WBP4: variants seen among roughly 807,000 people sequenced by gnomAD.
The protein encoded by WBP4 is WW domain-binding protein 4.
WBP4 carries 37 observed loss-of-function variants against 55.4 expected under a neutral mutation model. The observed-to-expected ratio is 0.67, with a 90% CI of 0.51 to 0.88. The LOEUF is 0.88. WBP4 is among the 40% of genes least tolerant of loss of function. The probability of loss-of-function intolerance (pLI) is 0.00; values close to 1 mark genes in which losing one functional copy is unlikely to be tolerated. For missense variants in WBP4, 398 were observed against 420.8 expected, an observed-to-expected ratio of 0.95 and a Z score of 0.47; for synonymous variants, 142 against 140.2, an observed-to-expected ratio of 1.01 and a Z score of -0.09.
At chr13:41,079,840 AAAAAT>A (rs765377389) in intron 8 of WBP4, among the ~76,000 whole-genome samples, 32 of 152,358 alleles carry the variant, frequency 2.1e-4, no homozygotes, top group Admixed American at 7.8e-4. Context: ...ATTGGATAAA[AAAAAT>A]GCGGTATATA....
chr13:41,069,529 G>T (rs1329239693), intron 5 of WBP4, among the ~76,000 whole-genome samples: 1 of 152,010 alleles, frequency 6.6e-6, no homozygotes, highest in African/African-American at 2.4e-5. Context: ...AGGCATGATG[G>T]TGGGCACCTG....
intron 4 of WBP4, among the ~76,000 whole-genome samples, chr13:41,067,327 C>G (rs117198045): frequency 6.6e-6 from 1 of 152,214 alleles, no homozygotes; most frequent in Non-Finnish European, 1.5e-5. Flanking sequence ...TCATTCTTTT[C>G]ACTACTTATT....
At chr13:41,063,691 G>C (rs2138458716) in intron 2 of WBP4, among the ~76,000 whole-genome samples, 1 of 151,796 alleles carries the variant, frequency 6.6e-6, no homozygotes, top group East Asian at 1.9e-4. Flanking sequence ...TTCTTGAGTT[G>C]GTAATACACA....
chr13:41,068,696 C>T lies in WBP4; in HGVS notation c.398C>T (p.Thr133Ile). 1 of 1,610,718 alleles carries T rather than the reference C, an allele frequency of 6.2e-7. No individual in the cohort carries two copies. Among genetic ancestry groups the T allele is most frequent in the Non-Finnish European group, 8.5e-7 (1 of 1,178,992 alleles). Residue 133 changes from threonine to isoleucine, a missense_variant, in exon 5 of 10, where the codon ACC becomes ATC. Thr to Ile is a moderately conservative substitution (Grantham distance 89). Coordinates refer to ENST00000379487, the MANE Select transcript of WBP4 (RefSeq NM_007187.5). ...PSKGRWVEGITSEGYHYYYDL... is the reference protein window; with the variant it reads ...PSKGRWVEGIISEGYHYYYDL... ...AAGGGCAGATGGGTAGAAGGCATAA[C>T]CTCTGAGGGTTACCATTACTATTAT...
intron 7 of WBP4, among the ~76,000 whole-genome samples, chr13:41,074,952 G>A (rs1479930954): frequency 1.3e-5 from 2 of 152,066 alleles, no homozygotes; most frequent in African/African-American, 2.4e-5. Context: ...CTGAGATCAC[G>A]CCAAATAAAT....
chr13:41,075,495 C>T (rs139848028), intron 7 of WBP4, among the ~76,000 whole-genome samples: 1 of 152,274 alleles, frequency 6.6e-6, no homozygotes, highest in African/African-American at 2.4e-5. Flanking sequence ...AGTCTTCCCG[C>T]CTCAGCCTCC....
chr13:41,062,342 A>G (rs1043015744), intron 1 of WBP4: 172 of 936,188 alleles, frequency 1.8e-4, no homozygotes, highest in Non-Finnish European at 2.2e-4. Flanking sequence ...GAAAGGATAA[A>G]TGTTCTTCTA....
chr13:41,062,112 T>G (rs1235679351), intron 1 of WBP4: 162 of 973,524 alleles, frequency 1.7e-4, no homozygotes, highest in South Asian at 1.4e-3. Context: ...TTTTTTTTTT[T>G]TTTTTTTTTT....
intron 4 of WBP4, among the ~76,000 whole-genome samples, chr13:41,066,447 G>A (rs935433560): frequency 4.0e-5 from 6 of 151,852 alleles, no homozygotes; most frequent in Admixed American, 1.3e-4. Context: ...TTTGTGCTGC[G>A]GTCTATTTGC....
At chr13:41,078,775 T>C (rs1302119312) in intron 8 of WBP4, among the ~76,000 whole-genome samples, 6 of 151,654 alleles carry the variant, frequency 4.0e-5, no homozygotes, top group East Asian at 3.9e-4. Flanking sequence ...TGCAGTGAGC[T>C]AAGATCGTGC....
chr13:41,080,087 G>A (rs1307265145), intron 8 of WBP4, among the ~76,000 whole-genome samples: 4 of 152,114 alleles, frequency 2.6e-5, no homozygotes, highest in Non-Finnish European at 5.9e-5. Context: ...AGGGAGGTGA[G>A]TTGAACATGT....
chr13:41,078,964 G>A (rs922382803), intron 8 of WBP4, among the ~76,000 whole-genome samples: 6 of 152,184 alleles, frequency 3.9e-5, no homozygotes, highest in African/African-American at 1.4e-4. Flanking sequence ...ACAAATGGGA[G>A]GGACTTAATT....
At position 41,082,766 on chromosome 13, in the gene WBP4, A is replaced by G. The variant is rs749402436; in HGVS notation, c.983A>G (p.Asp328Gly). The G allele has an allele frequency of 3.1e-6, 5 of 1,614,168 alleles. No homozygotes were observed. The East Asian group carries it at 1.1e-4, about 36-fold the overall frequency. The change falls in exon 10 of 10, where the codon GAT becomes GGT. Residue 328 changes from aspartate (D) to glycine (G), a missense_variant. Coordinates refer to ENST00000379487, the MANE Select transcript of WBP4 (RefSeq NM_007187.5). ...GAGTATGTATCAACTTCAGAAGCTG[A>G]TGGTGGCGGAGAACCCAAAGTGGTA... ...ENEYVSTSEA[D>G]GGGEPKVVFK...
rs1878828899 is a variant in WBP4 at position 41,082,557 on chromosome 13, ATATTG to A, written c.921-144_921-140del. On this transcript the variant is annotated intron_variant, in intron 9 of 9. Coordinates refer to ENST00000379487, the MANE Select transcript of WBP4 (RefSeq NM_007187.5). ...GAATAAGTGTTCAGTATCTTAAATAATATTGTAAAGTCAGTATTTTAAAGTAGTTC... is the reference window on the plus strand; with the variant it reads ...GAATAAGTGTTCAGTATCTTAAATAATAAAGTCAGTATTTTAAAGTAGTTC... The A allele has an allele frequency of 9.3e-6, 6 of 643,634 alleles. No homozygotes were observed. In the East Asian group the frequency reaches 1.6e-4, roughly 18 times the overall value. 39.9% of individuals were successfully genotyped at this position (643,634 alleles called of 1,614,324 possible).
At chr13:41,079,541 C>CAAAAAAAA (rs35433682) in intron 8 of WBP4, among the ~76,000 whole-genome samples, 1 of 101,698 alleles carries the variant, frequency 9.8e-6, no homozygotes, top group African/African-American at 3.8e-5. Context: ...GACTCCGTCT[C>CAAAAAAAA]AAAAAAAAAA....
At chr13:41,082,294 G>A (rs907786606) in intron 9 of WBP4, among the ~76,000 whole-genome samples, 1 of 152,040 alleles carries the variant, frequency 6.6e-6, no homozygotes, top group Non-Finnish European at 1.5e-5. Context: ...TGTATTTTTT[G>A]TAGCAATGGG....
chr13:41,066,985 A>T (rs1034760672), intron 4 of WBP4, among the ~76,000 whole-genome samples: 7 of 152,206 alleles, frequency 4.6e-5, no homozygotes. Flanking sequence ...GTAAAGCCAT[A>T]AAAACTATTT....
intron 4 of WBP4, among the ~76,000 whole-genome samples, chr13:41,067,310 G>A (rs1878017272): frequency 6.6e-6 from 1 of 152,196 alleles, no homozygotes; most frequent in Non-Finnish European, 1.5e-5. Context: ...ACTAATACTG[G>A]ATTTGGTCAT....
In WBP4 at chr13:41,061,654, G is replaced by C; in HGVS notation, c.-20G>C. The C allele has an allele frequency of 6.2e-7, 1 of 1,614,186 alleles. No homozygotes were observed. On this transcript the variant is annotated 5_prime_UTR_variant, in exon 1 of 10. Transcript: ENST00000379487. ...GTCTGAGTGGAACCCTGGACGACTT[G>C]CAGAGCGGCTGGCGCAGTCATGTGA...
Sources: gnomAD v4.1 joint callset for allele counts (sites outside exome capture counted in the v4.1 genomes callset) on GRCh38, gnomAD v4.1.1 for gene constraint, MANE v1.5 for transcripts, NCBI Gene and HGNC (gene_info 2026-07-23, HGNC 2026-07-21) for gene names.